The following DMD variants were observed in gnomAD, a reference collection of about 807,000 sequenced individuals.
The protein encoded by DMD is mutant dystrophin.
Under a neutral mutation model 330.1 loss-of-function variants are expected in DMD, and 63 were observed. The observed-to-expected ratio is 0.19, with a 90% CI of 0.16 to 0.24. DMD has a LOEUF of 0.24. Ranked by LOEUF, DMD falls within the 10% of genes least tolerant of loss-of-function variation. DMD has a pLI of 1.00. For synonymous variants in DMD, 1,223 were observed against 959.8 expected (o/e 1.27, Z -5.07); for missense variants, 3,344 against 2,684.1 (o/e 1.25, Z -5.43).
intron 7 of DMD, among the ~76,000 whole-genome samples, chrX:32,708,484 G>A (rs2064889506): frequency 1.8e-5 from 2 of 111,062 alleles, no homozygotes; most frequent in African/African-American, 6.5e-5. Flanking sequence ...AATAATTAGG[G>A]ATGATGTTAA....
At chrX:31,521,249 C>T (rs2072734039) in intron 55 of DMD, among the ~76,000 whole-genome samples, 2 of 106,119 alleles carry the variant, frequency 1.9e-5, no homozygotes, top group Admixed American at 2.0e-4. Context: ...ACCTCTGTCC[C>T]CCTCCTGGGT....
intron 47 of DMD, among the ~76,000 whole-genome samples, chrX:31,888,743 G>A: frequency 8.9e-6 from 1 of 111,929 alleles, no homozygotes; most frequent in East Asian, 2.8e-4. Context: ...ATAAAATAAT[G>A]ATGAATATAT....
intron 41 of DMD, among the ~76,000 whole-genome samples, chrX:32,312,322 T>A (rs188280470): frequency 3.2e-4 from 36 of 111,125 alleles, no homozygotes; most frequent in African/African-American, 1.1e-3. Context: ...AATTCTAAGA[T>A]GTTTTTATCT....
At chrX:33,223,345 T>C (rs751233622) in intron 1 of DMD, among the ~76,000 whole-genome samples, 130 of 111,417 alleles carry the variant, frequency 1.2e-3, no homozygotes, top group African/African-American at 3.7e-3. Flanking sequence ...AAAAACAATA[T>C]TGAAGGACAA....
At chrX:33,312,961 A>C (rs2148949179) in intron 1 of DMD, among the ~76,000 whole-genome samples, 1 of 111,353 alleles carries the variant, frequency 9.0e-6, no homozygotes, top group Non-Finnish European at 1.9e-5. Context: ...AAAAAGCATA[A>C]AAATATGAAA....
At chrX:32,646,485 A>G (rs2059791157) in intron 9 of DMD, among the ~76,000 whole-genome samples, 1 of 111,389 alleles carries the variant, frequency 9.0e-6, no homozygotes, top group Admixed American at 9.6e-5. Context: ...GCAAGCAAGC[A>G]CGGGGCCCCC....
Position 32,402,119 on chromosome X carries a change from A to T in DMD, c.4233+9633T>A, listed in dbSNP as rs767481930. The stretch of plus-strand genomic sequence containing the variant: ...GAATGTAAACAATGGGAACATTATG[A>T]TATTACTATGTAAGATCTTGCGGAC... On this transcript the variant is annotated intron_variant, in intron 30 of 78. Transcript: ENST00000357033. Among the ~76,000 whole-genome samples the T allele has an allele frequency of 1.8e-3, 200 of 111,891 alleles. 1 individual carries two copies. Among genetic ancestry groups the T allele is most frequent in the African/African-American group, 6.2e-3 (191 of 30,925 alleles).
intron 44 of DMD, among the ~76,000 whole-genome samples, chrX:32,155,806 C>T (rs1278792266): frequency 9.0e-6 from 1 of 111,641 alleles, no homozygotes; most frequent in Non-Finnish European, 1.9e-5. Flanking sequence ...AGAACACAGT[C>T]AGCACTTGAT....
intron 51 of DMD, among the ~76,000 whole-genome samples, chrX:31,770,496 T>C (rs909771882): frequency 8.0e-5 from 9 of 112,235 alleles, no homozygotes; most frequent in African/African-American, 1.9e-4. Flanking sequence ...TCTGCCTGGA[T>C]TGCCCTTCTC....
rs570992377 is a variant in DMD at position 33,231,296 on chromosome X, A to T, written c.7+107963T>A. On this transcript the variant is annotated intron_variant, in intron 1 of 17. Transcript: ENST00000288447. ...AGTCGTTCCAATTTCTTCAACCCTT[A>T]CTTCTTGAGCGAACAGTCCATATGC... Among the ~76,000 whole-genome samples, 31 of 111,574 alleles carry T rather than the reference A, an allele frequency of 2.8e-4. No individual in the cohort carries two copies. In the South Asian group the frequency reaches 0.011, roughly 38 times the overall value.
chrX:31,889,647 TCACACACACACACACA>T (rs773894352), intron 47 of DMD, among the ~76,000 whole-genome samples: 2 of 71,615 alleles, frequency 2.8e-5, no homozygotes, highest in Admixed American at 3.3e-4. Context: ...TCTCTCTCTC[TCACACACACACACACA>T]CACACACACA....
intron 2 of DMD, among the ~76,000 whole-genome samples, chrX:33,002,850 G>GAAAAAAA (rs145168802): frequency 3.9e-4 from 15 of 38,747 alleles, no homozygotes; most frequent in Non-Finnish European, 4.7e-4. Context: ...TTTTTTTCTC[G>GAAAAAAA]AAAAAAAAAA....
intron 2 of DMD, among the ~76,000 whole-genome samples, chrX:32,914,125 A>AGG (rs1177127396): frequency 9.0e-6 from 1 of 111,700 alleles, no homozygotes; most frequent in Non-Finnish European, 1.9e-5. Context: ...CTTTCCTCTC[A>AGG]GGGGGATGCT....
chrX:32,110,545 C>T, intron 44 of DMD, among the ~76,000 whole-genome samples: 1 of 111,567 alleles, frequency 9.0e-6, no homozygotes. Flanking sequence ...AACACAACTA[C>T]CCATATTGTT....
intron 1 of DMD, among the ~76,000 whole-genome samples, chrX:33,045,745 G>A (rs1249729487): frequency 9.0e-6 from 1 of 111,401 alleles, no homozygotes; most frequent in Non-Finnish European, 1.9e-5. Context: ...CTAAAGAAGA[G>A]AAGGAGGTTC....
At chrX:32,964,719 A>C (rs780236804) in intron 2 of DMD, among the ~76,000 whole-genome samples, 4 of 111,854 alleles carry the variant, frequency 3.6e-5, no homozygotes, top group Non-Finnish European at 7.5e-5. Context: ...AAAACAAAAA[A>C]TCAAAACAAA....
At chrX:31,505,854 G>A (rs1219476968) in intron 56 of DMD, among the ~76,000 whole-genome samples, 1 of 110,767 alleles carries the variant, frequency 9.0e-6, no homozygotes, top group Non-Finnish European at 1.9e-5. Flanking sequence ...GGATGGTCTC[G>A]ATCTCTTGAC....
chrX:33,220,454 T>C (rs752981874), intron 1 of DMD, among the ~76,000 whole-genome samples: 3 of 112,121 alleles, frequency 2.7e-5, no homozygotes, highest in African/African-American at 9.7e-5. Context: ...TTCCTTGAGT[T>C]ATGTTATGTG....
At chrX:31,725,924 C>T (rs2086006841) in intron 52 of DMD, among the ~76,000 whole-genome samples, 1 of 112,261 alleles carries the variant, frequency 8.9e-6, no homozygotes, top group Non-Finnish European at 1.9e-5. Context: ...TTAACAGACA[C>T]GAACAAGAGT....
Sources: gnomAD v4.1 joint callset for allele counts (sites outside exome capture counted in the v4.1 genomes callset) on GRCh38, gnomAD v4.1.1 for gene constraint, MANE v1.5 for transcripts, NCBI Gene and HGNC (gene_info 2026-07-23, HGNC 2026-07-21) for gene names.